Variants in AGMO observed in about 807,000 individuals in gnomAD.
AGMO encodes alkylglycerol monooxygenase, also known as glyceryl-ether monooxygenase.
AGMO carries 75 observed loss-of-function variants against 60.2 expected under a neutral mutation model. The observed-to-expected ratio is 1.25, with a 90% confidence interval of 1.03 to 1.51. The LOEUF (loss-of-function observed/expected upper bound fraction) is 1.51, where lower values mean the gene tolerates loss of function less well. AGMO is among the 40% of genes most tolerant of loss of function. The probability of loss-of-function intolerance (pLI) is 0.00; values close to 1 mark genes in which losing one functional copy is unlikely to be tolerated. For missense variants in AGMO, 763 were observed against 525.5 expected (o/e 1.45, Z -4.42); for synonymous variants, 261 against 177.1 (o/e 1.47, Z -3.76).
intron 12 of AGMO, among the ~76,000 whole-genome samples, chr7:15,315,100 C>A (rs1780878213): frequency 6.6e-6 from 1 of 152,030 alleles, no homozygotes; most frequent in Non-Finnish European, 1.5e-5. Flanking sequence ...TTGGAGTGAA[C>A]CTTGATTTTG....
chr7:15,219,743 G>C (rs1264212058), intron 12 of AGMO, among the ~76,000 whole-genome samples: 1 of 152,100 alleles, frequency 6.6e-6, no homozygotes, highest in African/African-American at 2.4e-5. Flanking sequence ...GATGACAGTG[G>C]CCAGAGGGAA....
At chr7:15,202,436 CAACAACCAA>C (rs1380928190) in intron 12 of AGMO, among the ~76,000 whole-genome samples, 11 of 79,212 alleles carry the variant, frequency 1.4e-4, no homozygotes, top group Non-Finnish European at 2.7e-4. Context: ...AAAACATCAC[CAACAACCAA>C]AATACAAATG....
the AGMO span, among the ~76,000 whole-genome samples, chr7:15,150,433 T>G: frequency 1.1e-4 from 17 of 152,282 alleles, no homozygotes; most frequent in African/African-American, 3.8e-4. Flanking sequence ...TGATGTTGGC[T>G]GTGGTTTTGT....
intron 5 of AGMO, chr7:15,396,329 C>T (rs940697134): frequency 6.6e-6 from 1 of 152,294 alleles, no homozygotes; most frequent in Non-Finnish European, 1.5e-5. Flanking sequence ...TGTTCCTGGT[C>T]TCGCTGGCTT....
chr7:15,399,162 T>C (rs1210543574), intron 5 of AGMO, among the ~76,000 whole-genome samples: 1 of 152,120 alleles, frequency 6.6e-6, no homozygotes, highest in African/African-American at 2.4e-5. Context: ...TGTAAGTTGT[T>C]TTTTCTCGGT....
At chr7:15,339,792 T>C (rs866561089) in intron 12 of AGMO, among the ~76,000 whole-genome samples, 4 of 152,168 alleles carry the variant, frequency 2.6e-5, no homozygotes, top group South Asian at 2.1e-4. Flanking sequence ...ATTAATCCAA[T>C]GAAGTTAGTT....
the AGMO span, among the ~76,000 whole-genome samples, chr7:15,182,582 A>C: frequency 4.6e-5 from 7 of 151,780 alleles, no homozygotes; most frequent in African/African-American, 1.7e-4. Flanking sequence ...TACCTGGCTA[A>C]TTTTTTGTAT....
chr7:15,531,717 C>G (rs959219120), intron 3 of AGMO, among the ~76,000 whole-genome samples: 4 of 146,056 alleles, frequency 2.7e-5, no homozygotes, highest in South Asian at 2.1e-4. Context: ...GTAGTACAAT[C>G]TAGGCTCATC....
At chr7:15,295,121 A>T (rs911339270) in intron 12 of AGMO, among the ~76,000 whole-genome samples, 3 of 151,942 alleles carry the variant, frequency 2.0e-5, no homozygotes, top group Non-Finnish European at 4.4e-5. Flanking sequence ...TCCATATTGA[A>T]ATATACATAT....
At chr7:15,337,312 C>G (rs567282567) in intron 12 of AGMO, among the ~76,000 whole-genome samples, 1 of 152,214 alleles carries the variant, frequency 6.6e-6, no homozygotes, top group Admixed American at 6.5e-5. Flanking sequence ...TTTTTAATAA[C>G]AGAATATATT....
intron 2 of AGMO, among the ~76,000 whole-genome samples, chr7:15,557,783 C>T (rs765191512): frequency 1.3e-4 from 20 of 151,966 alleles, no homozygotes; most frequent in Non-Finnish European, 2.1e-4. Context: ...TTCTTTACAT[C>T]TACAAGGAAG....
Position 15,385,378 on chromosome 7 carries a change from G to A in AGMO, c.1074+68C>T, listed in dbSNP as rs987426825. On this transcript the variant is annotated intron_variant, in intron 10 of 12. Coordinates refer to ENST00000342526, the MANE Select transcript of AGMO (RefSeq NM_001004320.2). ...ATATATGACAGCCTTAATATGGGGA[G>A]CTTATTTTCATTTTCAAACAAAGTA... The A allele has an allele frequency of 4.8e-5, 52 of 1,072,984 alleles. 1 individual carries two copies. In the South Asian group the frequency reaches 6.0e-4, roughly 12 times the overall value. 66.5% of individuals were successfully genotyped at this position (1,072,984 alleles called of 1,614,324 possible).
At chr7:15,411,610 C>T (rs1301477712) in intron 5 of AGMO, among the ~76,000 whole-genome samples, 1 of 151,784 alleles carries the variant, frequency 6.6e-6, no homozygotes, top group African/African-American at 2.4e-5. Flanking sequence ...TAAAAAAAAT[C>T]TCCCAGGCAA....
At chr7:15,466,268 A>T (rs1361997742) in intron 3 of AGMO, among the ~76,000 whole-genome samples, 1 of 152,166 alleles carries the variant, frequency 6.6e-6, no homozygotes, top group African/African-American at 2.4e-5. Flanking sequence ...AATGAAGTAA[A>T]TTGTTCAAAA....
At position 15,385,473 on chromosome 7, in the gene AGMO, A is replaced by C; in HGVS notation, c.1047T>G (p.Phe349Leu). The C allele has an allele frequency of 6.2e-7, 1 of 1,606,956 alleles. No homozygotes were observed. The highest frequency in any genetic ancestry group is 8.5e-7 in the Non-Finnish European group (1 of 1,173,752). The change falls in exon 10 of 13, where the codon TTT (phenylalanine) becomes TTG (leucine). Residue 349 changes from phenylalanine (F) to leucine (L), a missense_variant. By Grantham distance (22) the Phe-to-Leu change is conservative. Transcript: ENST00000342526. The stretch of plus-strand genomic sequence containing the variant: ...CTGTATCTGCAAAGGTCTCTTCATA[A>C]AATGCCAACATCAGAGCAAACTGTA... ...TVVQFALMLAFYEETFADTAA... is the reference protein window; with the variant it reads ...TVVQFALMLALYEETFADTAA...
At chr7:15,226,372 T>A (rs1269788323) in intron 12 of AGMO, among the ~76,000 whole-genome samples, 2 of 152,070 alleles carry the variant, frequency 1.3e-5, no homozygotes, top group African/African-American at 4.8e-5. Context: ...CTTAGAAAAG[T>A]CAGTTAAGCT....
chr7:15,257,245 A>T (rs1248538835), intron 12 of AGMO, among the ~76,000 whole-genome samples: 6 of 152,192 alleles, frequency 3.9e-5, no homozygotes, highest in African/African-American at 1.4e-4. Context: ...GCTAAGAAAG[A>T]TAACTATATA....
At chr7:15,136,219 C>T in the AGMO span, among the ~76,000 whole-genome samples, 1 of 152,072 alleles carries the variant, frequency 6.6e-6, no homozygotes, top group Non-Finnish European at 1.5e-5. Flanking sequence ...TTTTGAACTC[C>T]TGACCTCAGG....
At chr7:15,384,404 A>G (rs1302580862) in intron 10 of AGMO, among the ~76,000 whole-genome samples, 1 of 152,186 alleles carries the variant, frequency 6.6e-6, no homozygotes, top group Non-Finnish European at 1.5e-5. Context: ...GGATTCATAT[A>G]TTGTCAACAT....
Sources: allele counts gnomAD v4.1 joint callset (sites outside exome capture counted in the v4.1 genomes callset), GRCh38; gene constraint gnomAD v4.1.1; transcripts MANE v1.5; gene names NCBI Gene and HGNC (gene_info 2026-07-23, HGNC 2026-07-21).